The following KCNN3 variants were observed in gnomAD, a reference collection of about 807,000 sequenced individuals.
The protein encoded by KCNN3 is potassium calcium-activated channel subfamily N member 3.
Under a neutral mutation model 62.9 loss-of-function variants are expected in KCNN3, and 16 were observed. The ratio of observed to expected loss-of-function variants is 0.25; its 90% CI spans 0.17 to 0.39. KCNN3 has a LOEUF of 0.39. KCNN3 is among the 10% of genes least tolerant of loss of function. The pLI, the probability that KCNN3 is intolerant of heterozygous loss-of-function variation, is 1.00. For synonymous variants in KCNN3, 370 were observed against 389.2 expected (o/e 0.95, Z 0.58); for missense variants, 599 against 949.4 (o/e 0.63, Z 4.85).
intron 4 of KCNN3, among the ~76,000 whole-genome samples, chr1:154,731,733 G>A (rs1700597137): frequency 6.6e-6 from 1 of 152,120 alleles, no homozygotes; most frequent in Non-Finnish European, 1.5e-5. Context: ...GGTGTGAGGG[G>A]GGCTGTGGAC....
chr1:154,834,193 T>C (rs1409261332), intron 1 of KCNN3, among the ~76,000 whole-genome samples: 2 of 152,172 alleles, frequency 1.3e-5, no homozygotes, highest in East Asian at 3.9e-4. Context: ...CTGCCTACCT[T>C]TTACTTTGAG....
At chr1:154,831,941 C>T (rs1391754636) in intron 1 of KCNN3, among the ~76,000 whole-genome samples, 1 of 152,064 alleles carries the variant, frequency 6.6e-6, no homozygotes, top group African/African-American at 2.4e-5. Flanking sequence ...CCTCATTCTC[C>T]ACGATGACAC....
chr1:154,859,851 G>C, intron 1 of KCNN3: 3 of 1,592,044 alleles, frequency 1.9e-6, no homozygotes, highest in Non-Finnish European at 1.7e-6. Flanking sequence ...CTGTTAATTT[G>C]ACACTGAGCA....
intron 1 of KCNN3, chr1:154,867,913 A>C (rs1273065174): frequency 1.0e-6 from 1 of 981,236 alleles, no homozygotes; most frequent in East Asian, 1.1e-4. Flanking sequence ...ACAGCAGGAG[A>C]GCTCCCCGGC....
At chr1:154,735,635 G>A (rs1236296976) in intron 3 of KCNN3, among the ~76,000 whole-genome samples, 2 of 152,208 alleles carry the variant, frequency 1.3e-5, no homozygotes, top group South Asian at 4.2e-4. Flanking sequence ...TCCCAGGATT[G>A]CGTCTACCCC....
intron 3 of KCNN3, among the ~76,000 whole-genome samples, chr1:154,756,524 C>T (rs971581835): frequency 1.3e-5 from 2 of 151,904 alleles, no homozygotes; most frequent in African/African-American, 2.4e-5. Context: ...GTGACTCCTT[C>T]CCCCCGGCTC....
chr1:154,711,505 TAA>T (rs200946213), intron 7 of KCNN3, among the ~76,000 whole-genome samples: 2 of 133,302 alleles, frequency 1.5e-5, no homozygotes, highest in African/African-American at 2.8e-5. Context: ...ATAATAAAAC[TAA>T]AAAAAAAAAA....
chr1:154,845,967 C>T (rs980088405), intron 1 of KCNN3, among the ~76,000 whole-genome samples: 5 of 152,212 alleles, frequency 3.3e-5, no homozygotes, highest in Non-Finnish European at 7.3e-5. Context: ...AGCCCTGGCT[C>T]CTTTCCTACC....
intron 4 of KCNN3, among the ~76,000 whole-genome samples, chr1:154,730,441 A>G (rs1048669328): frequency 1.3e-5 from 2 of 152,142 alleles, no homozygotes; most frequent in Non-Finnish European, 2.9e-5. Context: ...CCCTACCTTT[A>G]GTAAAGGCAC....
intron 1 of KCNN3, among the ~76,000 whole-genome samples, chr1:154,846,264 C>T (rs1034387968): frequency 6.6e-6 from 1 of 152,204 alleles, no homozygotes; most frequent in Non-Finnish European, 1.5e-5. Context: ...CAGTGTGGCA[C>T]CCTCCCCTTC....
At position 154,869,931 on chromosome 1, in the gene KCNN3, C is replaced by A; in HGVS notation, c.34G>T (p.Val12Leu). 1 of 1,611,116 alleles carries A rather than the reference C, an allele frequency of 6.2e-7. No homozygotes were observed. Among genetic ancestry groups the A allele is most frequent in the Non-Finnish European group, 8.5e-7 (1 of 1,178,740 alleles). ...DTSGHFHDSGVGDLDEDPKCP... is the reference protein window; with the variant it reads ...DTSGHFHDSGLGDLDEDPKCP... ...TTGGGGTCTTCATCCAAGTCCCCCACCCCCGAGTCATGGAAGTGCCCAGAA... is the reference window on the plus strand; with the variant it reads ...TTGGGGTCTTCATCCAAGTCCCCCAACCCCGAGTCATGGAAGTGCCCAGAA... The change falls in exon 1 of 8, where the codon GTG becomes TTG. Residue 12 changes from valine to leucine, a missense_variant. Coordinates refer to ENST00000271915, the MANE Select transcript of KCNN3 (RefSeq NM_002249.6). This position sits in a 1 kb window ranked among gnomAD's most constrained non-coding sequence, Gnocchi z 6.1.
chr1:154,720,856 C>T (rs569233382), intron 5 of KCNN3, among the ~76,000 whole-genome samples: 10 of 152,152 alleles, frequency 6.6e-5, no homozygotes, highest in East Asian at 1.9e-4. Flanking sequence ...GTGGCGGGGC[C>T]GAGGCCCTGG....
Position 154,706,715 on chromosome 1 carries a change from G to A in KCNN3, c.*1261C>T, listed in dbSNP as rs1357936695. 2 of 152,218 alleles carry A rather than the reference G, an allele frequency of 1.3e-5. No homozygotes were observed. Among genetic ancestry groups the A allele is most frequent in the African/African-American group, 4.8e-5 (2 of 41,434 alleles). The allele number at this position is 152,218 out of a possible 1,614,324, so 9.4% of individuals were successfully genotyped here. On this transcript the variant is annotated 3_prime_UTR_variant, in exon 8 of 8. Coordinates refer to ENST00000271915, the MANE Select transcript of KCNN3 (RefSeq NM_002249.6). The stretch of plus-strand genomic sequence containing the variant: ...TTTTGAGATGACTTAAGGTCAGGTA[G>A]AAGGGACCACATAGGCCACTCTTCA...
Position 154,772,741 on chromosome 1 carries a change from A to G in KCNN3, c.1030-348T>C, listed in dbSNP as rs1648617206. Among the ~76,000 whole-genome samples, 1 of 152,136 alleles carries G rather than the reference A, an allele frequency of 6.6e-6. No individual in the cohort carries two copies. Among genetic ancestry groups the G allele is most frequent in the South Asian group, 2.1e-4 (1 of 4,828 alleles). On this transcript the variant is annotated intron_variant, in intron 2 of 7. Coordinates refer to ENST00000271915, the MANE Select transcript of KCNN3 (RefSeq NM_002249.6). The surrounding 1 kb of genome is among the most constrained non-coding windows in gnomAD (Gnocchi z 5.6). ...GTTCCCAAAACGCTCGGAATTTCCAAAGTGATAAGTGTCATTTGTATGCTA... is the reference window on the plus strand; with the variant it reads ...GTTCCCAAAACGCTCGGAATTTCCAGAGTGATAAGTGTCATTTGTATGCTA...
At position 154,862,303 on chromosome 1, in the gene KCNN3, G is replaced by A. The variant is rs191981643; in HGVS notation, c.933+6729C>T. Among the ~76,000 whole-genome samples, 26 of 152,276 alleles carry A rather than the reference G, an allele frequency of 1.7e-4. No individual in the cohort carries two copies. The highest frequency in any genetic ancestry group is 5.1e-4 in the African/African-American group (21 of 41,548). ...CATCATGAGCCCTGGGCCAGCCACC[G>A]TGAGGGTCATGAGGGACCCAGGGGT... is the stretch of plus-strand genomic sequence containing the variant. On this transcript the variant is annotated intron_variant, in intron 1 of 7. Transcript: ENST00000271915. The surrounding 1 kb of genome is among the most constrained non-coding windows in gnomAD (Gnocchi z 4.1).
At chr1:154,819,910 T>C (rs751838884) in intron 2 of KCNN3, among the ~76,000 whole-genome samples, 4 of 152,224 alleles carry the variant, frequency 2.6e-5, no homozygotes, top group Non-Finnish European at 5.9e-5. Context: ...CACTCTGTAC[T>C]CTACACTGTT....
chr1:154,760,238 TA>T (rs1647936807), intron 3 of KCNN3, among the ~76,000 whole-genome samples: 1 of 151,720 alleles, frequency 6.6e-6, no homozygotes, highest in Non-Finnish European at 1.5e-5. Context: ...TTATAATAGC[TA>T]AGTCATGTAT....
intron 3 of KCNN3, among the ~76,000 whole-genome samples, chr1:154,754,582 A>G (rs1647543852): frequency 6.6e-6 from 1 of 152,176 alleles, no homozygotes; most frequent in African/African-American, 2.4e-5. Context: ...AAACAACCTT[A>G]TTTTGTCCAT....
intron 2 of KCNN3, among the ~76,000 whole-genome samples, chr1:154,804,216 A>C (rs1288766966): frequency 6.6e-6 from 1 of 152,218 alleles, no homozygotes; most frequent in Non-Finnish European, 1.5e-5. Context: ...GATGCCACTG[A>C]CACCTTTCAG....
Sources: gnomAD v4.1 joint callset for allele counts (sites outside exome capture counted in the v4.1 genomes callset) on GRCh38, gnomAD v4.1.1 for gene constraint, Gnocchi (gnomAD v3.1) non-coding constraint, MANE v1.5 for transcripts, NCBI Gene and HGNC (gene_info 2026-07-23, HGNC 2026-07-21) for gene names.